SEMA4B: variants seen among roughly 807,000 people sequenced by gnomAD.
SEMA4B encodes the protein semaphorin 4B.
A neutral mutation model predicts 88.1 loss-of-function variants in SEMA4B; 55 were observed. That is an observed-to-expected ratio of 0.62 (90% confidence interval 0.50 to 0.78). The LOEUF (loss-of-function observed/expected upper bound fraction) is 0.78, where lower values mean the gene tolerates loss of function less well. SEMA4B is among the 30% of genes least tolerant of loss of function. SEMA4B has a pLI of 0.00. For synonymous variants in SEMA4B, 525 were observed against 473.6 expected, an observed-to-expected ratio of 1.11 and a Z score of -1.41; for missense variants, 1,062 against 1,111.9, an observed-to-expected ratio of 0.96 and a Z score of 0.64.
At chr15:90,223,143 T>A (rs1010473131) in intron 7 of SEMA4B, among the ~76,000 whole-genome samples, 5 of 151,960 alleles carry the variant, frequency 3.3e-5, no homozygotes, top group Non-Finnish European at 4.4e-5. Context: ...TTTTTTTGTA[T>A]TTTTAGCAGA....
intron 1 of SEMA4B, among the ~76,000 whole-genome samples, chr15:90,205,305 G>A (rs765373483): frequency 2.0e-5 from 3 of 152,242 alleles, no homozygotes; most frequent in Admixed American, 1.3e-4. Context: ...GATGCTGGTC[G>A]CTTGTTGAGC....
At chr15:90,186,920 A>G (rs1262809321) in intron 1 of SEMA4B, among the ~76,000 whole-genome samples, 2 of 152,116 alleles carry the variant, frequency 1.3e-5, no homozygotes, top group Non-Finnish European at 1.5e-5. Flanking sequence ...GCGACAGAGC[A>G]AGACTCCGTC....
At chr15:90,207,659 C>T (rs1336164059) in intron 1 of SEMA4B, among the ~76,000 whole-genome samples, 1 of 152,244 alleles carries the variant, frequency 6.6e-6, no homozygotes, top group Non-Finnish European at 1.5e-5. Flanking sequence ...ACAGCTGCCT[C>T]CTGCTTCACC....
In SEMA4B at chr15:90,194,578, G is replaced by A. The variant is rs111331378; in HGVS notation, c.-121-6880G>A. The stretch of plus-strand genomic sequence containing the variant: ...ATTGATCTGTTCTAACCTTGATGGA[G>A]GTCTCTAGTGGCGTGCCATTGGGCT... On this transcript the variant is annotated intron_variant, in intron 1 of 14. Coordinates refer to the SEMA4B transcript ENST00000332496. 3.6e-3 allele frequency among the ~76,000 whole-genome samples: 550 copies of A among 152,086 alleles called. 1 individual carries two copies. The highest frequency in any genetic ancestry group is 6.4e-3 in the Non-Finnish European group (438 of 67,998).
chr15:90,206,547 G>T (rs11073912), intron 1 of SEMA4B: 25 of 442,278 alleles, frequency 5.7e-5, no homozygotes, highest in Admixed American at 3.0e-4. Context: ...TTCAAGATTC[G>T]GCTTCACCCG....
chr15:90,199,183 T>C (rs1415602197), upstream of SEMA4B, among the ~76,000 whole-genome samples: 2 of 151,984 alleles, frequency 1.3e-5, no homozygotes, highest in African/African-American at 4.8e-5. Context: ...CTGGCTTGTG[T>C]TTTAAAGACT....
At chr15:90,222,725 C>T (rs750436241) in intron 7 of SEMA4B, among the ~76,000 whole-genome samples, 40 of 152,210 alleles carry the variant, frequency 2.6e-4, no homozygotes, top group Admixed American at 1.3e-3. Context: ...CTCACCCCCT[C>T]GGTTAACAGT....
rs761433331 is a variant in SEMA4B, at chr15:90,229,300, G to A, written c.*657G>A. The A allele has an allele frequency of 4.8e-5, 22 of 456,876 alleles. 1 individual carries two copies. Among genetic ancestry groups the A allele is most frequent in the South Asian group, 3.4e-4 (22 of 64,570 alleles). 28.3% of individuals were successfully genotyped at this position (456,876 alleles called of 1,614,324 possible). On this transcript the variant is annotated 3_prime_UTR_variant, in exon 14 of 14. Transcript: ENST00000411539. Reference sequence around the variant, plus strand: ...CCTGGACCTTTCCAGCCTGTATCAGGCTGTGGCCACACGAGAGGACAGCGC... The same window carrying A: ...CCTGGACCTTTCCAGCCTGTATCAGACTGTGGCCACACGAGAGGACAGCGC...
At position 90,195,641 on chromosome 15, in the gene SEMA4B, A is replaced by G. The variant is rs546993681; in HGVS notation, c.-121-5817A>G. On this transcript the variant is annotated intron_variant, in intron 1 of 14. Coordinates refer to the SEMA4B transcript ENST00000332496. Reference sequence around the variant, plus strand: ...TTTTCTTTTTTTGAGACAGGGTCTCACTTTGTCACCCAGGCTGGAGAGCAG... The same window carrying G: ...TTTTCTTTTTTTGAGACAGGGTCTCGCTTTGTCACCCAGGCTGGAGAGCAG... 6.9e-4 allele frequency among the ~76,000 whole-genome samples: 105 copies of G among 152,220 alleles called. 4 individuals are homozygous for G. The South Asian group carries it at 0.021, about 31-fold the overall frequency.
chr15:90,218,307 C>G (rs1341864606), intron 3 of SEMA4B, among the ~76,000 whole-genome samples: 1 of 152,186 alleles, frequency 6.6e-6, no homozygotes, highest in Admixed American at 6.5e-5. Context: ...GAGGACTCAT[C>G]ATCATCCCTA....
Position 90,228,858 on chromosome 15 carries a change from C to A in SEMA4B, c.*215C>A. On this transcript the variant is annotated 3_prime_UTR_variant, in exon 14 of 14. Coordinates refer to ENST00000411539, the MANE Select transcript of SEMA4B (RefSeq NM_198925.4). ...ACAGCCGTGGCCCCAGAGGTCCTGG[C>A]CAAATATGGGGGCCTGCCTAGGTTG... The A allele has an allele frequency of 1.6e-6, 1 of 626,360 alleles. No individual in the cohort carries two copies. Among genetic ancestry groups the A allele is most frequent in the Non-Finnish European group, 2.7e-6 (1 of 364,248 alleles). The allele number at this position is 626,360 out of a possible 1,614,324, so 38.8% of individuals were successfully genotyped here.
chr15:90,201,845 C>G (rs1006546153), intron 1 of SEMA4B, 110 bp downstream of exon 1: 1 of 1,108,982 alleles, frequency 9.0e-7, no homozygotes, highest in Non-Finnish European at 1.2e-6. Flanking sequence ...CTGTCGGAGG[C>G]ACGGGATCCA....
Position 90,211,173 on chromosome 15 carries a change from G to T in SEMA4B, c.158-6266G>T, listed in dbSNP as rs1362420284. Among the ~76,000 whole-genome samples, 3 of 152,342 alleles carry T rather than the reference G, an allele frequency of 2.0e-5. No individual in the cohort carries two copies. The East Asian group carries it at 5.8e-4, about 29-fold the overall frequency. On this transcript the variant is annotated intron_variant, in intron 1 of 13. Coordinates refer to ENST00000411539, the MANE Select transcript of SEMA4B (RefSeq NM_198925.4). Reference sequence around the variant, plus strand: ...GAGCAGAGGGACTGAGCGTGTCCCTGTGTAGACCTGTGAGCAGGCAGGCGG... The same window carrying T: ...GAGCAGAGGGACTGAGCGTGTCCCTTTGTAGACCTGTGAGCAGGCAGGCGG...
At chr15:90,217,987 C>T (rs1961619488) in intron 3 of SEMA4B, 158 bp downstream of exon 3, 1 of 621,886 alleles carries the variant, frequency 1.6e-6, no homozygotes, top group Non-Finnish European at 2.8e-6. Context: ...AATCCCAGCA[C>T]TACACTTACA....
chr15:90,222,031 C>A (rs2151621265), intron 7 of SEMA4B, among the ~76,000 whole-genome samples: 1 of 151,768 alleles, frequency 6.6e-6, no homozygotes, highest in Non-Finnish European at 1.5e-5. Context: ...CCTCGACCTC[C>A]TGGGCTCAAG....
Position 90,217,844 on chromosome 15 carries a change from G to A in SEMA4B, c.384+15G>A, listed in dbSNP as rs755511920. 3 of 1,607,754 alleles carry A rather than the reference G, an allele frequency of 1.9e-6. No homozygotes were observed. Among genetic ancestry groups the A allele is most frequent in the Non-Finnish European group, 2.5e-6 (3 of 1,176,506 alleles). ...AGGACCCACAGGTGAGCCCACACCTGGAAGGGAGCTGAGCTGCAGGAGGGA... is the reference window on the plus strand; with the variant it reads ...AGGACCCACAGGTGAGCCCACACCTAGAAGGGAGCTGAGCTGCAGGAGGGA... On this transcript the variant is annotated intron_variant, in intron 3 of 13. Transcript: ENST00000411539.
chr15:90,197,682 G>A (rs145517243), upstream of SEMA4B, among the ~76,000 whole-genome samples: 10 of 151,398 alleles, frequency 6.6e-5, no homozygotes, highest in East Asian at 2.0e-4. Context: ...CATGATCCGC[G>A]CACCTCGGCC....
At chr15:90,202,009 C>T (rs1567046411) in intron 1 of SEMA4B, among the ~76,000 whole-genome samples, 1 of 152,264 alleles carries the variant, frequency 6.6e-6, no homozygotes, top group Non-Finnish European at 1.5e-5. Context: ...GGAGGATGCA[C>T]TTTCGGCGGG....
Position 90,228,865 on chromosome 15 carries a change from T to C in SEMA4B, c.*222T>C. 1.6e-6 allele frequency: 1 copy of C among 609,018 alleles called. No homozygotes were observed. The highest frequency in any genetic ancestry group is 2.0e-5 in the South Asian group (1 of 49,934). The allele number at this position is 609,018 out of a possible 1,614,324, so 37.7% of individuals were successfully genotyped here. On this transcript the variant is annotated 3_prime_UTR_variant, in exon 14 of 14. Coordinates refer to ENST00000411539, the MANE Select transcript of SEMA4B (RefSeq NM_198925.4). ...TGGCCCCAGAGGTCCTGGCCAAATA[T>C]GGGGGCCTGCCTAGGTTGGTGGAAC...
Sources: gnomAD v4.1 joint callset for allele counts (sites outside exome capture counted in the v4.1 genomes callset) on GRCh38, gnomAD v4.1.1 for gene constraint, MANE v1.5 for transcripts, NCBI Gene and HGNC (gene_info 2026-07-23, HGNC 2026-07-21) for gene names.